The following APLF variants were observed in gnomAD, a reference collection of about 807,000 sequenced individuals.
APLF encodes aprataxin and PNK-like factor.
Under a neutral mutation model 55.6 loss-of-function variants are expected in APLF, and 61 were observed. That is an observed-to-expected ratio of 1.10 (90% confidence interval 0.89 to 1.36). APLF has a LOEUF of 1.36. Among genes scored for constraint, APLF ranks in the 40% most tolerant of loss-of-function variants. The probability of loss-of-function intolerance (pLI) is 0.00; values close to 1 mark genes in which losing one functional copy is unlikely to be tolerated. For missense variants in APLF, 611 were observed against 602.5 expected (o/e 1.01, Z -0.15); for synonymous variants, 207 against 214.8 (o/e 0.96, Z 0.32).
intron 3 of APLF, among the ~76,000 whole-genome samples, chr2:68,508,465 A>G (rs1011340445): frequency 1.3e-5 from 2 of 151,924 alleles, no homozygotes; most frequent in African/African-American, 2.4e-5. Flanking sequence ...TTAACTTACA[A>G]TGGATCAGAA....
chr2:68,557,957 T>C (rs1446097645), intron 8 of APLF, among the ~76,000 whole-genome samples: 3 of 152,122 alleles, frequency 2.0e-5, no homozygotes, highest in Admixed American at 2.0e-4. Context: ...AATCCATTTT[T>C]ATAGGTTCTG....
At chr2:68,499,061 A>AG (rs1676642535) in intron 2 of APLF, among the ~76,000 whole-genome samples, 1 of 152,214 alleles carries the variant, frequency 6.6e-6, no homozygotes, top group Non-Finnish European at 1.5e-5. Context: ...AACACTGAAA[A>AG]TAAGGTGCTT....
intron 9 of APLF, among the ~76,000 whole-genome samples, chr2:68,574,609 A>C (rs1296736570): frequency 1.3e-5 from 2 of 152,210 alleles, no homozygotes; most frequent in Non-Finnish European, 2.9e-5. Flanking sequence ...TAGATTCTGG[A>C]CTTCCTGTAA....
Position 68,529,354 on chromosome 2 carries a change from G to T in APLF, c.804+3112G>T. On this transcript the variant is annotated intron_variant, in intron 6 of 9. Transcript: ENST00000303795. The surrounding 1 kb of genome is among the most constrained non-coding windows in gnomAD (Gnocchi z 4.4). ...CAGGCACAGGTGCAGGAGCCGCGGG[G>T]TGAGCCCGGCCAGCTGGGAAGGCCT... 1 of 1,316,130 alleles carries T rather than the reference G, an allele frequency of 7.6e-7. No homozygotes were observed. The highest frequency in any genetic ancestry group is 2.9e-5 in the East Asian group (1 of 33,962). The allele number at this position is 1,316,130 out of a possible 1,614,324, so 81.5% of individuals were successfully genotyped here.
At chr2:68,576,842 A>G (rs546256240) in intron 9 of APLF, among the ~76,000 whole-genome samples, 14 of 152,154 alleles carry the variant, frequency 9.2e-5, no homozygotes, top group Non-Finnish European at 1.2e-4. Flanking sequence ...TTTTTAACCT[A>G]TACATTTGCT....
intron 1 of APLF, among the ~76,000 whole-genome samples, chr2:68,471,257 G>T (rs1007054851): frequency 6.7e-6 from 1 of 149,282 alleles, no homozygotes; most frequent in South Asian, 2.1e-4. Context: ...TAAAGATGCA[G>T]TCCTACCAAC....
intron 5 of APLF, among the ~76,000 whole-genome samples, chr2:68,517,000 G>T (rs1669607409): frequency 2.5e-5 from 3 of 118,848 alleles, no homozygotes; most frequent in Admixed American, 1.0e-4. Context: ...AATAATATAT[G>T]TTAATATATA....
intron 1 of APLF, among the ~76,000 whole-genome samples, chr2:68,482,878 G>A (rs1452033710): frequency 6.6e-6 from 1 of 152,092 alleles, no homozygotes; most frequent in Non-Finnish European, 1.5e-5. Context: ...GCTAGCTTGG[G>A]GAAGTGCGTA....
At chr2:68,520,780 T>C (rs774788983) in intron 5 of APLF, among the ~76,000 whole-genome samples, 28 of 151,932 alleles carry the variant, frequency 1.8e-4, no homozygotes, top group Non-Finnish European at 3.2e-4. Context: ...TTAGTATTGC[T>C]TTGGCTAGAC....
intron 8 of APLF, chr2:68,563,291 T>C: frequency 6.1e-6 from 6 of 984,722 alleles, no homozygotes; most frequent in Non-Finnish European, 6.0e-6. Context: ...CTTTTTAAAA[T>C]ATAAAATTTC....
At chr2:68,496,094 TTTTG>T (rs1309466942) in intron 2 of APLF, among the ~76,000 whole-genome samples, 2 of 152,112 alleles carry the variant, frequency 1.3e-5, no homozygotes, top group African/African-American at 2.4e-5. Flanking sequence ...GAACTTGTTT[TTTTG>T]TTTGTTTGTT....
At chr2:68,497,904 A>AAGAC (rs1313681077) in intron 2 of APLF, among the ~76,000 whole-genome samples, 3 of 152,218 alleles carry the variant, frequency 2.0e-5, no homozygotes, top group Non-Finnish European at 4.4e-5. Context: ...AAATGGACTG[A>AAGAC]AGACTTGAGT....
rs1056251133 is a variant in APLF, at chr2:68,513,319, A to T, written c.489+92A>T. ...AACTGAAATTAGGCCTATTATGACA[A>T]TATTGCCAGCATTTATCTACTTTTG... is the stretch of plus-strand genomic sequence containing the variant. On this transcript the variant is annotated intron_variant, in intron 4 of 9. Transcript: ENST00000303795. 53 of 1,407,388 alleles carry T rather than the reference A, an allele frequency of 3.8e-5. No homozygotes were observed. In the East Asian group the frequency reaches 1.3e-3, roughly 33 times the overall value. The allele number at this position is 1,407,388 out of a possible 1,614,324, so 87.2% of individuals were successfully genotyped here.
chr2:68,518,786 TAAA>T lies in APLF; in HGVS notation c.622+5108_622+5110del, dbSNP rs1159901420. ...ATATTAATAATATATCATTATATAA[TAAA>T]ATATTAATAATCTATCATATAATAA... is the stretch of plus-strand genomic sequence containing the variant. On this transcript the variant is annotated intron_variant, in intron 5 of 9. Transcript: ENST00000303795. Among the ~76,000 whole-genome samples the T allele has an allele frequency of 8.1e-5, 6 of 73,986 alleles. No individual in the cohort carries two copies. The East Asian group carries it at 1.9e-3, about 23-fold the overall frequency. The allele number at this position is 73,986 out of a possible 152,430, so 48.5% of individuals were successfully genotyped here. A position where few individuals can be genotyped will look rare whatever the true frequency, so the allele number is the denominator to read the frequency against.
At chr2:68,495,805 C>T (rs989856585) in intron 2 of APLF, among the ~76,000 whole-genome samples, 1 of 152,256 alleles carries the variant, frequency 6.6e-6, no homozygotes, top group Non-Finnish European at 1.5e-5. Flanking sequence ...ACTCTGTGTA[C>T]CCACAGGCTT....
At chr2:68,469,853 A>C (rs1417733309) in intron 1 of APLF, among the ~76,000 whole-genome samples, 3 of 152,216 alleles carry the variant, frequency 2.0e-5, no homozygotes. Context: ...ATGATTTTGA[A>C]CTTTCTTAAT....
chr2:68,489,230 G>A (rs1291727781), intron 1 of APLF, among the ~76,000 whole-genome samples: 1 of 152,184 alleles, frequency 6.6e-6, no homozygotes, highest in Non-Finnish European at 1.5e-5. Flanking sequence ...CACATTTTTT[G>A]TGGAACTAAT....
intron 6 of APLF, among the ~76,000 whole-genome samples, chr2:68,527,250 C>T (rs1370789578): frequency 1.4e-4 from 20 of 147,608 alleles, no homozygotes; most frequent in Middle Eastern, 4.0e-3. Context: ...ATTTCCCAGA[C>T]GGTGAGGAGG....
At chr2:68,546,121 T>TAA (rs1670696332) in intron 8 of APLF, among the ~76,000 whole-genome samples, 1 of 152,100 alleles carries the variant, frequency 6.6e-6, no homozygotes, top group Non-Finnish European at 1.5e-5. Flanking sequence ...GAGAATGACT[T>TAA]ATACTTTTTT....
Sources: gnomAD v4.1 joint callset for allele counts (sites outside exome capture counted in the v4.1 genomes callset) on GRCh38, gnomAD v4.1.1 for gene constraint, Gnocchi (gnomAD v3.1) non-coding constraint, MANE v1.5 for transcripts, NCBI Gene and HGNC (gene_info 2026-07-23, HGNC 2026-07-21) for gene names.